Variants in DNAJC1 observed in about 807,000 individuals in gnomAD.
The protein encoded by DNAJC1 is dnaJ homolog subfamily C member 1.
DNAJC1 carries 58 observed loss-of-function variants against 76.6 expected under a neutral mutation model. The observed-to-expected ratio is 0.76, with a 90% confidence interval of 0.61 to 0.94. The LOEUF is 0.94. Among genes scored for constraint, DNAJC1 ranks in the 40% least tolerant of loss-of-function variants. The pLI, the probability that DNAJC1 is intolerant of heterozygous loss-of-function variation, is 0.00. For missense variants in DNAJC1, 689 were observed against 677.3 expected (o/e 1.02, Z -0.19); for synonymous variants, 258 against 267.9 (o/e 0.96, Z 0.36).
rs369794627 is a variant in DNAJC1 at position 21,889,284 on chromosome 10, G to A, written c.821-6845C>T. ...GAACTCACTGTCTCAAGAAGAGCAC[G>A]AAGGGGATTTGCTAAACCATTCATG... On this transcript the variant is annotated intron_variant, in intron 7 of 11. Coordinates refer to ENST00000376980, the MANE Select transcript of DNAJC1 (RefSeq NM_022365.4). Among the ~76,000 whole-genome samples, 9 of 152,206 alleles carry A rather than the reference G, an allele frequency of 5.9e-5. No individual in the cohort carries two copies. The South Asian group carries it at 1.2e-3, about 21-fold the overall frequency.
intron 9 of DNAJC1, among the ~76,000 whole-genome samples, chr10:21,803,247 C>T (rs1820447198): frequency 6.6e-6 from 1 of 152,082 alleles, no homozygotes; most frequent in Admixed American, 6.6e-5. Flanking sequence ...AGAACTAAGC[C>T]TGAAGCTACA....
intron 8 of DNAJC1, among the ~76,000 whole-genome samples, chr10:21,821,143 C>T (rs539448015): frequency 3.3e-5 from 5 of 152,236 alleles, no homozygotes; most frequent in Admixed American, 1.3e-4. Context: ...TGGGGCAAAA[C>T]CTTCTCTGGA....
chr10:21,796,925 T>C (rs1443317087), intron 9 of DNAJC1, among the ~76,000 whole-genome samples: 4 of 152,216 alleles, frequency 2.6e-5, no homozygotes, highest in Non-Finnish European at 5.9e-5. Context: ...TTGTTTTCTT[T>C]GCTGTACAGA....
At chr10:21,808,990 C>T (rs1286276980) in intron 8 of DNAJC1, among the ~76,000 whole-genome samples, 2 of 152,102 alleles carry the variant, frequency 1.3e-5, no homozygotes, top group African/African-American at 4.8e-5. Context: ...AATGTAATGA[C>T]CTCAAAATAT....
At chr10:21,969,265 A>G (rs1043708795) in intron 1 of DNAJC1, among the ~76,000 whole-genome samples, 1 of 149,006 alleles carries the variant, frequency 6.7e-6, no homozygotes, top group Non-Finnish European at 1.5e-5. Flanking sequence ...CTAGGGACAA[A>G]GAGTTGGAAT....
At chr10:21,783,140 A>G (rs939464438) in intron 9 of DNAJC1, among the ~76,000 whole-genome samples, 1 of 152,220 alleles carries the variant, frequency 6.6e-6, no homozygotes, top group Non-Finnish European at 1.5e-5. Flanking sequence ...ATGATTGTAT[A>G]TTTAGAAAAC....
intron 8 of DNAJC1, among the ~76,000 whole-genome samples, chr10:21,814,906 C>A (rs1022354928): frequency 1.3e-5 from 2 of 152,272 alleles, no homozygotes; most frequent in Non-Finnish European, 2.9e-5. Flanking sequence ...ACTCCTCTAG[C>A]CCTTATGTTG....
chr10:21,829,181 T>A (rs1009988869), intron 8 of DNAJC1, among the ~76,000 whole-genome samples: 3 of 151,264 alleles, frequency 2.0e-5, no homozygotes, highest in Non-Finnish European at 4.4e-5. Flanking sequence ...CAGGAATGAG[T>A]CACCATGCCC....
chr10:21,916,412 C>A (rs1836957238), intron 6 of DNAJC1, among the ~76,000 whole-genome samples: 2 of 152,122 alleles, frequency 1.3e-5, no homozygotes, highest in South Asian at 4.1e-4. Context: ...TGGCGTGAAC[C>A]CGGGAGGCGG....
At chr10:21,997,599 A>C (rs1261933422) in intron 1 of DNAJC1, among the ~76,000 whole-genome samples, 1 of 152,156 alleles carries the variant, frequency 6.6e-6, no homozygotes. Flanking sequence ...AGATGGGTCT[A>C]GTGATCAGTG....
intron 1 of DNAJC1, among the ~76,000 whole-genome samples, chr10:21,937,774 A>G (rs1173625935): frequency 6.6e-6 from 1 of 152,172 alleles, no homozygotes; most frequent in Non-Finnish European, 1.5e-5. Flanking sequence ...ATCTTCTCCA[A>G]CCATAATGAA....
At chr10:21,858,987 G>C (rs929216733) in intron 8 of DNAJC1, among the ~76,000 whole-genome samples, 8 of 151,868 alleles carry the variant, frequency 5.3e-5, no homozygotes, top group Non-Finnish European at 1.0e-4. Context: ...TGTAAAAAAA[G>C]TATATCACCA....
chr10:21,789,371 G>GA (rs1834653276), intron 9 of DNAJC1, among the ~76,000 whole-genome samples: 1 of 152,144 alleles, frequency 6.6e-6, no homozygotes, highest in African/African-American at 2.4e-5. Flanking sequence ...AACTGCAGGT[G>GA]AAAGTCTTTC....
chr10:21,831,121 C>G (rs1835350826), intron 8 of DNAJC1, among the ~76,000 whole-genome samples: 1 of 152,070 alleles, frequency 6.6e-6, no homozygotes. Context: ...TGGGGGTGGT[C>G]TTTGTTTTTC....
chr10:21,929,467 A>C (rs1407886363), intron 1 of DNAJC1, among the ~76,000 whole-genome samples: 1 of 152,238 alleles, frequency 6.6e-6, no homozygotes, highest in Non-Finnish European at 1.5e-5. Context: ...ATCAAAAAGA[A>C]ACAAATTAAA....
rs1260131607 is a variant in DNAJC1, at chr10:21,929,156, G to C, written c.223-15C>G. ...GATGATGCATCCTGGAGGTGGTAGG[G>C]GGAGGGGAAAATACAAAGCAAACTT... On this transcript the variant is annotated splice_polypyrimidine_tract_variant and intron_variant, in intron 1 of 11. Transcript: ENST00000376980. 6.4e-6 allele frequency: 10 copies of C among 1,573,376 alleles called. No homozygotes were observed. Among genetic ancestry groups the C allele is most frequent in the African/African-American group, 1.4e-5 (1 of 73,584 alleles).
intron 8 of DNAJC1, among the ~76,000 whole-genome samples, chr10:21,807,728 T>C (rs906358073): frequency 6.6e-6 from 1 of 152,166 alleles, no homozygotes; most frequent in African/African-American, 2.4e-5. Context: ...CTCAAACATA[T>C]TCATCAGTAC....
At chr10:21,970,509 T>C (rs535288307) in intron 1 of DNAJC1, among the ~76,000 whole-genome samples, 3 of 152,166 alleles carry the variant, frequency 2.0e-5, no homozygotes, top group Admixed American at 6.5e-5. Context: ...AATTAAGGAT[T>C]TGAAATTTAT....
chr10:21,981,334 A>C (rs993647108), intron 1 of DNAJC1, among the ~76,000 whole-genome samples: 2 of 152,206 alleles, frequency 1.3e-5, no homozygotes, highest in African/African-American at 2.4e-5. Flanking sequence ...GCATGTATTC[A>C]GCACATACCA....
Sources: allele counts gnomAD v4.1 joint callset (sites outside exome capture counted in the v4.1 genomes callset), GRCh38; gene constraint gnomAD v4.1.1; transcripts MANE v1.5; gene names NCBI Gene and HGNC (gene_info 2026-07-23, HGNC 2026-07-21).